The following MCF2 variants were observed in gnomAD, a reference collection of about 807,000 sequenced individuals.
MCF2 encodes the protein proto-oncogene DBL.
MCF2 carries 44 observed loss-of-function variants against 82.5 expected under a neutral mutation model. The ratio of observed to expected loss-of-function variants is 0.53; its 90% CI spans 0.42 to 0.69. The LOEUF (loss-of-function observed/expected upper bound fraction) is 0.69. MCF2 is among the 30% of genes least tolerant of loss of function. The probability of loss-of-function intolerance (pLI) is 0.00; values close to 1 mark genes in which losing one functional copy is unlikely to be tolerated. For synonymous variants in MCF2, 217 were observed against 224.9 expected, an observed-to-expected ratio of 0.96 and a Z score of 0.32; for missense variants, 623 against 663.1, an observed-to-expected ratio of 0.94 and a Z score of 0.66.
chrX:139,664,319 AC>A (rs1295566042), intron 1 of MCF2, among the ~76,000 whole-genome samples: 9 of 105,957 alleles, frequency 8.5e-5, no homozygotes, highest in African/African-American at 3.5e-4. Flanking sequence ...AAAACAAAAA[AC>A]AAAAAAAAAA....
intron 1 of MCF2, among the ~76,000 whole-genome samples, chrX:139,703,131 C>T (rs1229470578): frequency 2.7e-5 from 3 of 111,908 alleles, no homozygotes; most frequent in African/African-American, 9.7e-5. Context: ...TCCTTCTCTT[C>T]CCTGCTCTTC....
intron 16 of MCF2, among the ~76,000 whole-genome samples, chrX:139,601,539 C>T (rs1177790662): frequency 1.8e-5 from 2 of 111,455 alleles, no homozygotes; most frequent in Non-Finnish European, 3.8e-5. Context: ...AAGATATTTG[C>T]AGACACATAC....
intron 1 of MCF2, among the ~76,000 whole-genome samples, chrX:139,665,897 GTATATATATATATATATA>G (rs761065038): frequency 8.7e-5 from 6 of 68,587 alleles, no homozygotes; most frequent in South Asian, 6.6e-4. Context: ...AGGTGTGTGT[GTATATATATATATATATA>G]TATATATATA....
chrX:139,631,440 G>A (rs1424847309), exon 3 of MCF2: 4 of 1,204,211 alleles, frequency 3.3e-6, no homozygotes, highest in East Asian at 3.0e-5. Flanking sequence ...GCAAGGTGCC[G>A]CCTAACTCAG....
intron 1 of MCF2, among the ~76,000 whole-genome samples, chrX:139,640,877 T>G (rs7885901): frequency 1.8e-5 from 2 of 109,080 alleles, no homozygotes; most frequent in Non-Finnish European, 3.8e-5. Context: ...CAAGGAAAGG[T>G]AACAGCAACA....
intron 1 of MCF2, among the ~76,000 whole-genome samples, chrX:139,633,732 G>A (rs1933044611): frequency 9.0e-6 from 1 of 111,324 alleles, no homozygotes; most frequent in Non-Finnish European, 1.9e-5. Context: ...TTGCATTTTA[G>A]AAAGATCACT....
intron 1 of MCF2, among the ~76,000 whole-genome samples, chrX:139,683,393 G>T (rs1935048418): frequency 8.9e-6 from 1 of 112,470 alleles, no homozygotes; most frequent in Non-Finnish European, 1.9e-5. Flanking sequence ...CTATAAAAAT[G>T]AGGTTAAGGT....
intron 19 of MCF2, among the ~76,000 whole-genome samples, chrX:139,593,144 C>T (rs949801574): frequency 6.3e-5 from 7 of 111,596 alleles, no homozygotes; most frequent in East Asian, 2.8e-4. Context: ...GGAATTTATC[C>T]ATTTCTTCTA....
intron 1 of MCF2, among the ~76,000 whole-genome samples, chrX:139,694,352 G>T (rs1285766160): frequency 1.9e-5 from 2 of 102,838 alleles, no homozygotes; most frequent in Admixed American, 2.1e-4. Context: ...AAGAAATAAG[G>T]TAACCAAAAA....
At chrX:139,604,334 T>C (rs1189984645) in intron 15 of MCF2, among the ~76,000 whole-genome samples, 1 of 108,242 alleles carries the variant, frequency 9.2e-6, no homozygotes, top group African/African-American at 3.4e-5. Flanking sequence ...AAAAAAAAAT[T>C]AACCAAGCCC....
At chrX:139,649,818 G>A (rs1010887980) in intron 2 of MCF2, among the ~76,000 whole-genome samples, 15 of 111,634 alleles carry the variant, frequency 1.3e-4, no homozygotes, top group African/African-American at 4.9e-4. Context: ...GATGGGTGCA[G>A]CAAGCCCTGA....
At chrX:139,600,812 G>C (rs1930492231) in intron 16 of MCF2, among the ~76,000 whole-genome samples, 1 of 111,401 alleles carries the variant, frequency 9.0e-6, no homozygotes, top group African/African-American at 3.3e-5. Context: ...AGTATCACCA[G>C]ACATTTGAGG....
exon 5 of MCF2, chrX:139,626,666 C>T: frequency 8.3e-7 from 1 of 1,208,729 alleles, no homozygotes; most frequent in Non-Finnish European, 1.1e-6. Flanking sequence ...CGATGACATT[C>T]TAGTCTTGAA....
chrX:139,678,980 G>A (rs991616866), intron 1 of MCF2, among the ~76,000 whole-genome samples: 1 of 112,280 alleles, frequency 8.9e-6, no homozygotes, highest in African/African-American at 3.2e-5. Context: ...AACATCCCAA[G>A]TAGAATTTTA....
chrX:139,632,220 G>GCC, intron 2 of MCF2, 115 bp downstream of exon 5: 4 of 377,294 alleles, frequency 1.1e-5, no homozygotes, highest in Non-Finnish European at 1.2e-5. Flanking sequence ...ACTTTTAAAA[G>GCC]ACATTTTAAT....
chrX:139,697,993 A>C (rs1335214994), intron 1 of MCF2, among the ~76,000 whole-genome samples: 2 of 110,407 alleles, frequency 1.8e-5, no homozygotes, highest in Non-Finnish European at 3.8e-5. Flanking sequence ...TACAAAAATT[A>C]GCCGGGTGTA....
intron 1 of MCF2, among the ~76,000 whole-genome samples, chrX:139,658,691 T>C (rs1258919254): frequency 6.0e-5 from 6 of 99,462 alleles, no homozygotes; most frequent in Non-Finnish European, 6.1e-5. Context: ...TTTTTTTTTT[T>C]TGAGACAAGG....
intron 7 of MCF2, among the ~76,000 whole-genome samples, 160 bp downstream of exon 10, chrX:139,619,427 C>A: frequency 9.1e-6 from 1 of 110,214 alleles, no homozygotes; most frequent in Middle Eastern, 4.6e-3. Context: ...CAAATCACCA[C>A]TAAAGAACTT....
intron 1 of MCF2, among the ~76,000 whole-genome samples, chrX:139,652,694 C>T (rs1172392115): frequency 1.8e-5 from 2 of 110,967 alleles, no homozygotes; most frequent in African/African-American, 3.3e-5. Context: ...TTTGGCTTGT[C>T]GGTTTTAATG....
Sources: gnomAD v4.1 joint callset for allele counts (sites outside exome capture counted in the v4.1 genomes callset) on GRCh38, gnomAD v4.1.1 for gene constraint, MANE v1.5 for transcripts, NCBI Gene and HGNC (gene_info 2026-07-23, HGNC 2026-07-21) for gene names.